Variants in GNB5 observed in about 807,000 individuals in gnomAD.
The protein encoded by GNB5 is G protein subunit beta 5.
Under a neutral mutation model 55.3 loss-of-function variants are expected in GNB5, and 37 were observed. That is an observed-to-expected ratio of 0.67 (90% CI 0.51 to 0.88). The LOEUF is 0.88. Among genes scored for constraint, GNB5 ranks in the 40% least tolerant of loss-of-function variants. The probability of loss-of-function intolerance (pLI) is 0.00; values close to 1 mark genes in which losing one functional copy is unlikely to be tolerated. For missense variants in GNB5, 476 were observed against 515.3 expected (o/e 0.92, Z 0.74); for synonymous variants, 219 against 198.5 (o/e 1.10, Z -0.87).
intron 9 of GNB5, chr15:52,128,665 A>C (rs1425719394): frequency 2.1e-6 from 1 of 472,850 alleles, no homozygotes; most frequent in Admixed American, 2.3e-5. Flanking sequence ...TTGGCAAATG[A>C]CTTCCTCTTG....
chr15:52,184,607 T>G lies in GNB5; in HGVS notation c.70A>C (p.Arg24=), dbSNP rs1165871920. ...TGTTGAGACTTCTTGAAAACTGGTCTCAGAGCTCGTTGTTTGAAACATTTG... is the reference window on the plus strand; with the variant it reads ...TGTTGAGACTTCTTGAAAACTGGTCGCAGAGCTCGTTGTTTGAAACATTTG... The part of the protein sequence containing the change: ...CDKCFKQRAL[R]PVFKKSQQLS... Residue 24 remains arginine (R), a synonymous_variant, in exon 2 of 13, where the codon AGA becomes CGA. Coordinates refer to ENST00000261837, the MANE Select transcript of GNB5 (RefSeq NM_016194.4). 1 of 1,613,274 alleles carries G rather than the reference T, an allele frequency of 6.2e-7. No individual in the cohort carries two copies. Among genetic ancestry groups the G allele is most frequent in the Admixed American group, 1.7e-5 (1 of 60,022 alleles).
Position 52,134,567 on chromosome 15 carries a change from G to A in GNB5, c.771+1046C>T, listed in dbSNP as rs141253897. On this transcript the variant is annotated intron_variant, in intron 8 of 12. Coordinates refer to ENST00000261837, the MANE Select transcript of GNB5 (RefSeq NM_016194.4). ...TTTTTTAAAAACACAGTAGAGTTGA[G>A]GAGAGATAAATACAGTGATACCAAG... Among the ~76,000 whole-genome samples, 922 of 152,298 alleles carry A rather than the reference G, an allele frequency of 6.1e-3. 1 individual carries two copies. The highest frequency in any genetic ancestry group is 8.8e-3 in the Non-Finnish European group (599 of 68,016).
intron 7 of GNB5, chr15:52,137,500 G>C: frequency 9.8e-7 from 1 of 1,017,838 alleles, no homozygotes; most frequent in Non-Finnish European, 1.2e-6. Flanking sequence ...TTCTGGGCAG[G>C]AGAATGAGAA....
chr15:52,156,038 C>T (rs1200359653), intron 3 of GNB5, among the ~76,000 whole-genome samples: 1 of 152,188 alleles, frequency 6.6e-6, no homozygotes, highest in Non-Finnish European at 1.5e-5. Context: ...CTCACTCCAT[C>T]CTTCCCTCTG....
intron 1 of GNB5, among the ~76,000 whole-genome samples, chr15:52,187,887 T>A (rs1256299813): frequency 6.6e-6 from 1 of 151,630 alleles, no homozygotes; most frequent in Non-Finnish European, 1.5e-5. Context: ...AAGCAGATGT[T>A]GCAGTAAGCT....
Position 52,164,122 on chromosome 15 carries a change from T to G in GNB5, c.239-10046A>C, listed in dbSNP as rs190111590. On this transcript the variant is annotated intron_variant, in intron 3 of 12. Coordinates refer to ENST00000261837, the MANE Select transcript of GNB5 (RefSeq NM_016194.4). ...TTCAAGACCAGCCTGACCAACATAG[T>G]GAGATACAAATATACAAAATACTAA... Among the ~76,000 whole-genome samples the G allele has an allele frequency of 2.3e-3, 354 of 150,868 alleles. 3 individuals carry two copies. The highest frequency in any genetic ancestry group is 0.01 in the Middle Eastern group (3 of 292).
At chr15:52,179,929 G>C in intron 2 of GNB5, 50 bp from the exon 3 acceptor site, 1 of 1,450,642 alleles carries the variant, frequency 6.9e-7, no homozygotes, top group Non-Finnish European at 9.1e-7. Flanking sequence ...GGAATGCGCT[G>C]AGCCGCGGCG....
At chr15:52,146,040 T>A (rs1206081262) in intron 6 of GNB5, among the ~76,000 whole-genome samples, 2 of 146,496 alleles carry the variant, frequency 1.4e-5, no homozygotes, top group Non-Finnish European at 3.0e-5. Flanking sequence ...CACTGCAAGC[T>A]CCGCCTCCTG....
intron 5 of GNB5, 109 bp from the exon 6 acceptor site, chr15:52,147,644 T>A: frequency 1.9e-6 from 1 of 528,652 alleles, no homozygotes; most frequent in Non-Finnish European, 3.4e-6. Flanking sequence ...TGGAGTGCAG[T>A]GGCACAATCT....
chr15:52,139,448 C>T (rs993923428), intron 7 of GNB5, among the ~76,000 whole-genome samples: 3 of 151,924 alleles, frequency 2.0e-5, no homozygotes, highest in South Asian at 2.1e-4. Flanking sequence ...AGAGTGAGAC[C>T]CTGTCTCAAA....
At chr15:52,191,011 TG>T (rs1225848618) in intron 1 of GNB5, among the ~76,000 whole-genome samples, 1 of 152,204 alleles carries the variant, frequency 6.6e-6, no homozygotes, top group African/African-American at 2.4e-5. Flanking sequence ...TATGTTGCCA[TG>T]TGTCACCTGG....
intron 7 of GNB5, chr15:52,140,090 A>G: frequency 1.9e-6 from 1 of 540,046 alleles, no homozygotes; most frequent in South Asian, 2.9e-5. Context: ...ACAGGGGCAC[A>G]ATGGTGACAC....
chr15:52,174,387 C>T (rs2034609190), intron 3 of GNB5, among the ~76,000 whole-genome samples: 1 of 152,136 alleles, frequency 6.6e-6, no homozygotes, highest in Non-Finnish European at 1.5e-5. Flanking sequence ...AGGTAGTACT[C>T]GCCTGTGGTA....
In GNB5 at chr15:52,183,333, TG is replaced by T. The variant is rs5812587; in HGVS notation, c.126+1217del. On this transcript the variant is annotated intron_variant, in intron 2 of 12. Coordinates refer to ENST00000261837, the MANE Select transcript of GNB5 (RefSeq NM_016194.4). ...GCAGAAGAGTTAGATTAATAAATAA[TG>T]GGGGGGGGGTAAGGCCCCCAGAAAG... Among the ~76,000 whole-genome samples the T allele has an allele frequency of 5.0e-3, 720 of 145,380 alleles. 6 individuals carry two copies. The highest frequency in any genetic ancestry group is 7.9e-3 in the Non-Finnish European group (524 of 66,212).
intron 4 of GNB5, among the ~76,000 whole-genome samples, chr15:52,152,569 T>A (rs367726527): frequency 2.6e-5 from 4 of 151,786 alleles, no homozygotes; most frequent in African/African-American, 9.7e-5. Context: ...AGGTGATCCA[T>A]CCGCCTCGGC....
chr15:52,126,665 A>C (rs1436275380), intron 10 of GNB5, among the ~76,000 whole-genome samples: 1 of 152,146 alleles, frequency 6.6e-6, no homozygotes, highest in Non-Finnish European at 1.5e-5. Context: ...TATGATGACT[A>C]TTCTTATATA....
intron 3 of GNB5, among the ~76,000 whole-genome samples, chr15:52,169,842 G>C (rs1404299972): frequency 6.6e-6 from 1 of 151,888 alleles, no homozygotes; most frequent in Non-Finnish European, 1.5e-5. Context: ...CTGATATCCA[G>C]AATCTACAAG....
intron 12 of GNB5, among the ~76,000 whole-genome samples, chr15:52,124,249 G>A (rs1038538577): frequency 3.3e-5 from 5 of 152,120 alleles, no homozygotes; most frequent in African/African-American, 9.7e-5. Context: ...AGGCTGATAC[G>A]CAGTTGTCGA....
intron 7 of GNB5, chr15:52,140,173 C>T: frequency 4.4e-6 from 1 of 228,018 alleles, no homozygotes; most frequent in South Asian, 4.5e-5. Context: ...CCTCTAACCT[C>T]CCCATCCCTC....
Sources: allele counts gnomAD v4.1 joint callset (sites outside exome capture counted in the v4.1 genomes callset), GRCh38; gene constraint gnomAD v4.1.1; transcripts MANE v1.5; gene names NCBI Gene and HGNC (gene_info 2026-07-23, HGNC 2026-07-21).